Variants in WSB2 observed in about 807,000 individuals in gnomAD.
The protein encoded by WSB2 is WD repeat and SOCS box-containing protein 2.
A neutral mutation model predicts 48.8 loss-of-function variants in WSB2; 12 were observed. The observed-to-expected ratio is 0.25, with a 90% confidence interval of 0.16 to 0.40. The LOEUF (loss-of-function observed/expected upper bound fraction) is 0.40. Ranked by LOEUF, WSB2 falls within the 10% of genes least tolerant of loss-of-function variation. The pLI, the probability that WSB2 is intolerant of heterozygous loss-of-function variation, is 1.00. For missense variants in WSB2, 317 were observed against 506.2 expected (o/e 0.63, Z 3.59); for synonymous variants, 191 against 203.1 (o/e 0.94, Z 0.51).
In WSB2 at chr12:118,042,968, G is replaced by A. The variant is rs752914591; in HGVS notation, c.432C>T (p.Leu144=). 5.6e-6 allele frequency: 9 copies of A among 1,614,062 alleles called. No homozygotes were observed. The highest frequency in any genetic ancestry group is 7.6e-6 in the Non-Finnish European group (9 of 1,180,048). ...QIKIWEVQTG[L]LLLNLSGHQD... is the part of the protein sequence containing the mutation. Reference sequence around the variant, plus strand: ...GGTGGCCGGAAAGATTCAAAAGCAGGAGCCCTGGCATGGGAGCAGGGGCAC... The same window carrying A: ...GGTGGCCGGAAAGATTCAAAAGCAGAAGCCCTGGCATGGGAGCAGGGGCAC... Residue 144 remains leucine, a synonymous_variant, in exon 4 of 9, where the codon CTC becomes CTT. Coordinates refer to ENST00000315436, the MANE Select transcript of WSB2 (RefSeq NM_018639.5).
At chr12:118,051,259 C>T (rs2031847263) in intron 2 of WSB2, among the ~76,000 whole-genome samples, 3 of 152,116 alleles carry the variant, frequency 2.0e-5, no homozygotes, top group Admixed American at 2.0e-4. Flanking sequence ...TAAAATGGTG[C>T]AGCCACTCTG....
chr12:118,034,178 CACAAG>C lies in WSB2; in HGVS notation c.*13_*17del. Reference sequence around the variant, plus strand: ...GACGATTTACCCTGCTACAAAGAAGCACAAGATGTGGTGTTGCTTAAAAAGTCCTG... The same window carrying C: ...GACGATTTACCCTGCTACAAAGAAGCATGTGGTGTTGCTTAAAAAGTCCTG... On this transcript the variant is annotated 3_prime_UTR_variant, in exon 9 of 9. Transcript: ENST00000315436. 6.2e-7 allele frequency: 1 copy of C among 1,613,904 alleles called. No homozygotes were observed. Among genetic ancestry groups the C allele is most frequent in the Non-Finnish European group, 8.5e-7 (1 of 1,179,870 alleles).
At chr12:118,052,592 G>A in intron 1 of WSB2, 114 bp from the exon 2 acceptor site, 3 of 1,504,532 alleles carry the variant, frequency 2.0e-6, no homozygotes, top group African/African-American at 1.4e-5. Flanking sequence ...ATTCCCAGAG[G>A]GAGTTGTCAC....
At position 118,034,892 on chromosome 12, in the gene WSB2, G is replaced by A. The variant is rs867982342; in HGVS notation, c.1052+94C>T. 20 of 1,242,304 alleles carry A rather than the reference G, an allele frequency of 1.6e-5. 1 individual carries two copies. The Middle Eastern group carries it at 1.4e-3, about 84-fold the overall frequency. The allele number at this position is 1,242,304 out of a possible 1,614,324, so 77.0% of individuals were successfully genotyped here. A position where few individuals can be genotyped will look rare whatever the true frequency, so the allele number is the denominator to read the frequency against. Reference sequence around the variant, plus strand: ...GAATTGCCTTAAAGCTTTCCTCATAGGCAAGAAAATTCTAGATGGTTTCTT... The same window carrying A: ...GAATTGCCTTAAAGCTTTCCTCATAAGCAAGAAAATTCTAGATGGTTTCTT... On this transcript the variant is annotated intron_variant, in intron 8 of 8. Coordinates refer to ENST00000315436, the MANE Select transcript of WSB2 (RefSeq NM_018639.5).
rs547994756 is a variant in WSB2 at position 118,047,771 on chromosome 12, G to A, written c.183-4394C>T. Among the ~76,000 whole-genome samples the A allele has an allele frequency of 5.8e-4, 89 of 152,206 alleles. 1 individual carries two copies. Among genetic ancestry groups the A allele is most frequent in the African/African-American group, 2.0e-3 (85 of 41,526 alleles). On this transcript the variant is annotated intron_variant, in intron 2 of 8. Transcript: ENST00000315436. ...AAAAATAATAAATAAAAATAGTAGC[G>A]AAACATGGGAGAAATGTGAAAATGA...
intron 4 of WSB2, among the ~76,000 whole-genome samples, chr12:118,041,051 G>GA (rs1278564079): frequency 6.6e-6 from 1 of 152,114 alleles, no homozygotes; most frequent in African/African-American, 2.4e-5. Context: ...TCCGTCTCAA[G>GA]AAAAAACAAA....
intron 8 of WSB2, 35 bp downstream of exon 8, chr12:118,034,951 A>G (rs754049921): frequency 1.2e-5 from 19 of 1,594,812 alleles, no homozygotes; most frequent in African/African-American, 1.1e-4. Context: ...CTCAGCAGAA[A>G]GCACCACCCA....
At chr12:118,035,185 G>A (rs2031479458) in intron 7 of WSB2, 29 bp downstream of exon 7, 14 of 1,613,474 alleles carry the variant, frequency 8.7e-6, no homozygotes, top group Non-Finnish European at 1.2e-5. Flanking sequence ...CTTGTTCTGA[G>A]GCCATGTAAA....
chr12:118,038,223 A>C, intron 5 of WSB2, 65 bp downstream of exon 5: 2 of 1,479,762 alleles, frequency 1.4e-6, no homozygotes, highest in Non-Finnish European at 1.8e-6. Flanking sequence ...ACACTCACAC[A>C]CACCAGGCCA....
At chr12:118,034,714 A>G (rs1593460811) in intron 8 of WSB2, 2 of 524,080 alleles carry the variant, frequency 3.8e-6, no homozygotes, top group Non-Finnish European at 3.4e-6. Context: ...GGTTTCCCAT[A>G]TATTATGCAT....
At chr12:118,036,215 T>C in intron 6 of WSB2, 123 bp downstream of exon 6, 1 of 1,178,000 alleles carries the variant, frequency 8.5e-7, no homozygotes, top group Admixed American at 2.2e-5. Context: ...AGAGACCCAC[T>C]GTGCCTTTTT....
Position 118,052,324 on chromosome 12 carries a change from C to T in WSB2, c.168G>A (p.Pro56=), listed in dbSNP as rs753578352. The change falls in exon 2 of 9, where the codon CCG becomes CCA. Residue 56 remains proline (P), a synonymous_variant. Coordinates refer to ENST00000315436, the MANE Select transcript of WSB2 (RefSeq NM_018639.5). Reference sequence around the variant, plus strand: ...AGAATACTTACAACTGCTCCTCCAACGGCCAGGGGATCAGTTTGACGATGC... The same window carrying T: ...AGAATACTTACAACTGCTCCTCCAATGGCCAGGGGATCAGTTTGACGATGC... ...GHCIVKLIPW[P]LEEQFIPKGF... 28 of 1,614,006 alleles carry T rather than the reference C, an allele frequency of 1.7e-5. No homozygotes were observed. Among genetic ancestry groups the T allele is most frequent in the South Asian group, 6.6e-5 (6 of 91,082 alleles).
At chr12:118,050,864 C>A (rs2031838625) in intron 2 of WSB2, among the ~76,000 whole-genome samples, 1 of 151,752 alleles carries the variant, frequency 6.6e-6, no homozygotes. Context: ...CCAGCCTGGC[C>A]AACATAGTGA....
rs1165596350 is a variant in WSB2 at position 118,033,672 on chromosome 12, G to A, written c.*524C>T. On this transcript the variant is annotated 3_prime_UTR_variant, in exon 9 of 9. Coordinates refer to ENST00000315436, the MANE Select transcript of WSB2 (RefSeq NM_018639.5). ...CAAATGGCTCCAGGAAAACTGTCCT[G>A]CAGGTCAGAAGGGAGCCCAAGAAGA... The A allele has an allele frequency of 1.3e-5, 2 of 152,580 alleles. No individual in the cohort carries two copies. Among genetic ancestry groups the A allele is most frequent in the African/African-American group, 4.8e-5 (2 of 41,366 alleles). The allele number at this position is 152,580 out of a possible 1,614,324, so 9.5% of individuals were successfully genotyped here. A position where few individuals can be genotyped will look rare whatever the true frequency, so the allele number is the denominator to read the frequency against.
In WSB2 at chr12:118,060,697, G is replaced by C. The variant is rs1032540856; in HGVS notation, c.13+339C>G. Among the ~76,000 whole-genome samples, 1 of 151,986 alleles carries C rather than the reference G, an allele frequency of 6.6e-6. No homozygotes were observed. The highest frequency in any genetic ancestry group is 1.5e-5 in the Non-Finnish European group (1 of 67,956). On this transcript the variant is annotated intron_variant, in intron 1 of 8. Transcript: ENST00000315436. The surrounding 1 kb of genome is among the most constrained non-coding windows in gnomAD (Gnocchi z 4.1). ...GTACCCAGGGGCACCCACCCCCTTGGGGATCTCCGTTTTAGGGCTTGGTGC... is the reference window on the plus strand; with the variant it reads ...GTACCCAGGGGCACCCACCCCCTTGCGGATCTCCGTTTTAGGGCTTGGTGC...
At chr12:118,057,781 T>G (rs1189669002) in intron 1 of WSB2, among the ~76,000 whole-genome samples, 1 of 150,982 alleles carries the variant, frequency 6.6e-6, no homozygotes, top group Admixed American at 6.6e-5. Context: ...TTTGGGTTTT[T>G]TTTTTTTTTG....
chr12:118,055,472 T>G (rs1156753818), intron 1 of WSB2, among the ~76,000 whole-genome samples: 1 of 152,028 alleles, frequency 6.6e-6, no homozygotes, highest in African/African-American at 2.4e-5. Flanking sequence ...ATGCCTGTAA[T>G]CCCAGTGCTC....
chr12:118,035,279 A>G lies in WSB2; in HGVS notation c.879T>C (p.Ile293=), dbSNP rs755973915. ...DPAMDDSDVH[I]SSLRSVCFSP... ...AGAAGCACACAGATCTCAGTGAGCT[A>G]ATGTGGACGTCACTGTCATCCATGG... The change falls in exon 7 of 9, where the codon ATT becomes ATC. Residue 293 remains isoleucine, a synonymous_variant. Transcript: ENST00000315436. 12 of 1,614,186 alleles carry G rather than the reference A, an allele frequency of 7.4e-6. No individual in the cohort carries two copies. The highest frequency in any genetic ancestry group is 6.8e-6 in the Non-Finnish European group (8 of 1,180,044).
At chr12:118,061,237 C>T (rs2032060315), upstream of WSB2, 1 of 962,538 alleles carries the variant, frequency 1.0e-6, no homozygotes, top group African/African-American at 1.8e-5. Context: ...GCAGGGGAAA[C>T]GGAGGGGGGG....
Sources: gnomAD v4.1 joint callset for allele counts (sites outside exome capture counted in the v4.1 genomes callset) on GRCh38, gnomAD v4.1.1 for gene constraint, Gnocchi (gnomAD v3.1) non-coding constraint, MANE v1.5 for transcripts, NCBI Gene and HGNC (gene_info 2026-07-23, HGNC 2026-07-21) for gene names.